TACC2: variants seen among roughly 807,000 people sequenced by gnomAD.
TACC2 encodes the protein transforming acidic coiled-coil containing protein 2, also known as transforming acidic coiled-coil-containing protein 2.
In TACC2, 137 loss-of-function variants were observed where a neutral mutation model predicts 227.3. The observed-to-expected ratio is 0.60, with a 90% CI of 0.52 to 0.69. TACC2 has a LOEUF of 0.69. TACC2 is among the 30% of genes least tolerant of loss of function. The probability of loss-of-function intolerance (pLI) is 0.00; values close to 1 mark genes in which losing one functional copy is unlikely to be tolerated. For missense variants in TACC2, 3,470 were observed against 3,694.4 expected (o/e 0.94, Z 1.57); for synonymous variants, 1,523 against 1,487.5 (o/e 1.02, Z -0.55).
At chr10:122,230,041 T>TAAGA (rs1419064783) in intron 15 of TACC2, among the ~76,000 whole-genome samples, 3 of 151,934 alleles carry the variant, frequency 2.0e-5, no homozygotes, top group African/African-American at 7.3e-5. Context: ...AACTTTACCT[T>TAAGA]AAGAAAGAAA....
chr10:122,132,647 C>T lies in TACC2; in HGVS notation c.5612C>T (p.Pro1871Leu). 1.9e-6 allele frequency: 3 copies of T among 1,614,200 alleles called. No individual in the cohort carries two copies. Among genetic ancestry groups the T allele is most frequent in the Non-Finnish European group, 2.5e-6 (3 of 1,180,034 alleles). The change falls in exon 6 of 23, where the codon CCC becomes CTC. Residue 1871 changes from proline to leucine, a missense_variant. Transcript: ENST00000369005. The part of the protein sequence containing the change: ...VADDIIQPAA[P>L]ADLESPTLAA... ...GATGATATCATCCAGCCCGCTGCCCCCGCAGACCTGGAAAGCCCAACCTTA... is the reference window on the plus strand; with the variant it reads ...GATGATATCATCCAGCCCGCTGCCCTCGCAGACCTGGAAAGCCCAACCTTA...
intron 5 of TACC2, among the ~76,000 whole-genome samples, chr10:122,132,391 C>CA (rs2088469404): frequency 6.6e-6 from 1 of 152,152 alleles, no homozygotes; most frequent in African/African-American, 2.4e-5. Flanking sequence ...ACTAAAAATA[C>CA]AAAAAAATTA....
At chr10:122,043,248 A>G (rs1451512884) in intron 2 of TACC2, among the ~76,000 whole-genome samples, 1 of 152,238 alleles carries the variant, frequency 6.6e-6, no homozygotes. Context: ...TACAAACTAC[A>G]GACATCAGAA....
chr10:122,037,445 C>A (rs1473522330), intron 2 of TACC2, among the ~76,000 whole-genome samples: 1 of 152,236 alleles, frequency 6.6e-6, no homozygotes, highest in Non-Finnish European at 1.5e-5. Flanking sequence ...GGAAGCAGAG[C>A]AGCTGACGGT....
rs1166151394 is a variant in TACC2, at chr10:122,209,482, G to A, written c.5972-915G>A. 1.3e-5 allele frequency among the ~76,000 whole-genome samples: 2 copies of A among 152,132 alleles called. No individual in the cohort carries two copies. The highest frequency in any genetic ancestry group is 4.8e-5 in the African/African-American group (2 of 41,422). On this transcript the variant is annotated intron_variant, in intron 8 of 22. Coordinates refer to ENST00000369005, the MANE Select transcript of TACC2 (RefSeq NM_206862.4). The surrounding 1 kb of genome is among the most constrained non-coding windows in gnomAD (Gnocchi z 4.5). Reference sequence around the variant, plus strand: ...CTGTAACGCACCAGGTGCTCCTGCCGCAGAGCCTTTACTCGCACTATTCCT... The same window carrying A: ...CTGTAACGCACCAGGTGCTCCTGCCACAGAGCCTTTACTCGCACTATTCCT...
chr10:122,160,525 AG>A, intron 7 of TACC2, among the ~76,000 whole-genome samples: 1 of 129,270 alleles, frequency 7.7e-6, no homozygotes, highest in East Asian at 3.6e-4. Flanking sequence ...ACAGCAGAGA[AG>A]AAGTGTGTGT....
intron 7 of TACC2, among the ~76,000 whole-genome samples, chr10:122,185,895 ATTC>A (rs1167849740): frequency 4.6e-5 from 7 of 152,126 alleles, no homozygotes; most frequent in Admixed American, 6.5e-5. Context: ...TCAGTTTTAT[ATTC>A]TTTTCTTATT....
intron 5 of TACC2, among the ~76,000 whole-genome samples, chr10:122,131,685 C>G (rs1476734043): frequency 6.6e-6 from 1 of 152,150 alleles, no homozygotes; most frequent in Non-Finnish European, 1.5e-5. Flanking sequence ...TGAACCTGTC[C>G]TTTTATTATT....
intron 8 of TACC2, among the ~76,000 whole-genome samples, chr10:122,206,104 G>A (rs1413851947): frequency 6.6e-6 from 1 of 152,108 alleles, no homozygotes; most frequent in Non-Finnish European, 1.5e-5. Context: ...GGGGAAAGAG[G>A]GGAGGATGGA....
intron 7 of TACC2, among the ~76,000 whole-genome samples, chr10:122,185,814 TCTC>T (rs1416176633): frequency 2.0e-5 from 3 of 152,214 alleles, no homozygotes; most frequent in East Asian, 1.9e-4. Flanking sequence ...TTACTGTAAT[TCTC>T]CTCTCTAGAG....
intron 3 of TACC2, among the ~76,000 whole-genome samples, chr10:122,077,396 T>C (rs1009552583): frequency 1.3e-5 from 2 of 152,150 alleles, no homozygotes; most frequent in African/African-American, 4.8e-5. Flanking sequence ...ATGGGAACCA[T>C]GACTAGCGCT....
intron 11 of TACC2, among the ~76,000 whole-genome samples, chr10:122,220,519 G>A (rs2095503211): frequency 6.6e-6 from 1 of 152,128 alleles, no homozygotes; most frequent in South Asian, 2.1e-4. Context: ...TCTGGACGTG[G>A]AAATACCATT....
intron 5 of TACC2, among the ~76,000 whole-genome samples, chr10:122,119,505 GGCTGGTCCGTTCA>G (rs1449362804): frequency 5.3e-5 from 8 of 152,190 alleles, no homozygotes; most frequent in African/African-American, 1.9e-4. Context: ...ATCCCAGAGG[GGCTGGTCCGTTCA>G]GCTGGCTTTG....
rs560238513 is a variant in TACC2, at chr10:121,997,633, C to T, written c.-46+8145C>T. ...AGAAGAACAAAGGCAGGCCTTCCAACGTGGCTGCTCAAGTGTGTGCTGTCA... is the reference window on the plus strand; with the variant it reads ...AGAAGAACAAAGGCAGGCCTTCCAATGTGGCTGCTCAAGTGTGTGCTGTCA... On this transcript the variant is annotated intron_variant, in intron 1 of 22. Coordinates refer to ENST00000369005, the MANE Select transcript of TACC2 (RefSeq NM_206862.4). Among the ~76,000 whole-genome samples the T allele has an allele frequency of 7.2e-5, 11 of 152,124 alleles. No individual in the cohort carries two copies. In the South Asian group the frequency reaches 2.1e-3, roughly 29 times the overall value.
chr10:122,086,583 C>T lies in TACC2; in HGVS notation c.4083C>T (p.Gly1361=). 6.3e-7 allele frequency: 1 copy of T among 1,599,052 alleles called. No homozygotes were observed. The highest frequency in any genetic ancestry group is 8.5e-7 in the Non-Finnish European group (1 of 1,172,614). ...CAGGTGCCAAGGCCAGTGGGGAGGG[C>T]ATGGCAGGTGATGCAGCAGGAGAGA... is the stretch of plus-strand genomic sequence containing the variant. ...PGAGAKASGE[G]MAGDAAGETE... is the part of the protein sequence containing the mutation. Residue 1361 remains glycine, a synonymous_variant, in exon 4 of 23, where the codon GGC becomes GGT. Transcript: ENST00000369005.
intron 1 of TACC2, among the ~76,000 whole-genome samples, chr10:121,992,098 A>T (rs1307597996): frequency 2.0e-5 from 3 of 152,162 alleles, no homozygotes; most frequent in Non-Finnish European, 2.9e-5. Context: ...CCGGGTGGGG[A>T]CACAGCCAAA....
At chr10:122,034,794 G>T (rs1959708586) in intron 2 of TACC2, among the ~76,000 whole-genome samples, 1 of 152,176 alleles carries the variant, frequency 6.6e-6, no homozygotes, top group East Asian at 1.9e-4. Context: ...GCCGGGCGTG[G>T]TGGTGCACGC....
Position 122,087,829 on chromosome 10 carries a change from G to C in TACC2, c.5329G>C (p.Glu1777Gln), listed in dbSNP as rs746661006. The change falls in exon 4 of 23, where the codon GAG becomes CAG. Residue 1777 changes from glutamate to glutamine, a missense_variant. By Grantham distance (29) the Glu-to-Gln change is conservative. Around this residue, in one of 10 missense-constraint regions of TACC2, gnomAD observed 1,924 missense variants for 1,978.3 expected, o/e 0.97. Transcript: ENST00000369005. ...DSPARPQQAK[E>Q]QPGPERPIPA... The stretch of plus-strand genomic sequence containing the variant: ...CCCAGCCAGGCCCCAGCAGGCTAAG[G>C]AGCAGCCAGGGCCTGAGCGCCCCAT... 2.4e-5 allele frequency: 37 copies of C among 1,557,580 alleles called. No homozygotes were observed. The East Asian group carries it at 7.0e-4, about 29-fold the overall frequency.
chr10:122,251,414 C>T (rs1435171765), intron 22 of TACC2, among the ~76,000 whole-genome samples: 4 of 152,178 alleles, frequency 2.6e-5, no homozygotes, highest in African/African-American at 9.7e-5. Context: ...TTTGCTCACT[C>T]ACCCAGTATT....
Sources: gnomAD v4.1 joint callset for allele counts (sites outside exome capture counted in the v4.1 genomes callset) on GRCh38, gnomAD v4.1.1 for gene constraint, gnomAD v4.1.1 regional missense constraint, Gnocchi (gnomAD v3.1) non-coding constraint, MANE v1.5 for transcripts, NCBI Gene and HGNC (gene_info 2026-07-23, HGNC 2026-07-21) for gene names.